Variants in CHRM3 observed in about 807,000 individuals in gnomAD.
CHRM3 encodes the protein cholinergic receptor muscarinic 3.
A neutral mutation model predicts 41.8 loss-of-function variants in CHRM3; 11 were observed. The ratio of observed to expected loss-of-function variants is 0.26; its 90% CI spans 0.17 to 0.44. CHRM3 has a LOEUF of 0.44. CHRM3 is among the 20% of genes least tolerant of loss of function. The pLI is 1.00. For synonymous variants in CHRM3, 297 were observed against 301.4 expected (o/e 0.99, Z 0.15); for missense variants, 571 against 745.4 (o/e 0.77, Z 2.72).
intron 5 of CHRM3, among the ~76,000 whole-genome samples, chr1:239,683,489 G>A (rs1558450325): frequency 6.6e-6 from 1 of 152,124 alleles, no homozygotes; most frequent in Non-Finnish European, 1.5e-5. Context: ...TTTTATTCAG[G>A]CATAACTGCC....
rs369079942 is a variant in CHRM3, at chr1:239,885,700, G to A, written c.-19-21733G>A. 2.9e-3 allele frequency among the ~76,000 whole-genome samples: 444 copies of A among 152,186 alleles called. 1 individual carries two copies. The highest frequency in any genetic ancestry group is 4.6e-3 in the Non-Finnish European group (314 of 68,006). Reference sequence around the variant, plus strand: ...CTGCTCAGTGCTTCCCATATACAGCGACCAAGCCATTAATCCTCCCTAAAT... The same window carrying A: ...CTGCTCAGTGCTTCCCATATACAGCAACCAAGCCATTAATCCTCCCTAAAT... On this transcript the variant is annotated intron_variant, in intron 6 of 6. Transcript: ENST00000676153.
intron 6 of CHRM3, among the ~76,000 whole-genome samples, chr1:239,904,387 T>C (rs1225452159): frequency 6.6e-6 from 1 of 152,198 alleles, no homozygotes; most frequent in Non-Finnish European, 1.5e-5. Context: ...ATAGTAATAG[T>C]AGTTATTAAC....
chr1:239,567,052 A>C (rs1037635759), intron 3 of CHRM3, among the ~76,000 whole-genome samples: 1 of 152,220 alleles, frequency 6.6e-6, no homozygotes, highest in African/African-American at 2.4e-5. Flanking sequence ...TAATTATCTC[A>C]AGAACTTAAT....
chr1:239,398,588 C>T (rs1288879924), intron 1 of CHRM3, among the ~76,000 whole-genome samples: 2 of 152,080 alleles, frequency 1.3e-5, no homozygotes, highest in Non-Finnish European at 2.9e-5. Flanking sequence ...AGATTTTGTC[C>T]ATTGGTATAG....
intron 2 of CHRM3, among the ~76,000 whole-genome samples, chr1:239,524,861 T>G (rs1173506064): frequency 3.9e-5 from 6 of 152,314 alleles, no homozygotes; most frequent in African/African-American, 1.4e-4. Context: ...TGTTTAAAGA[T>G]ATCTAATTAT....
At chr1:239,471,450 A>G (rs1337046773) in intron 1 of CHRM3, among the ~76,000 whole-genome samples, 1 of 152,204 alleles carries the variant, frequency 6.6e-6, no homozygotes, top group African/African-American at 2.4e-5. Flanking sequence ...TTCCCCATGG[A>G]ATGACGCACA....
chr1:239,773,053 AG>A (rs1667817696), intron 5 of CHRM3, among the ~76,000 whole-genome samples: 1 of 152,198 alleles, frequency 6.6e-6, no homozygotes. Context: ...TGAGATTCTT[AG>A]TGATATGATA....
chr1:239,499,232 A>G lies in CHRM3; in HGVS notation c.-422+6425A>G, dbSNP rs535074575. ...TTAGGAGATCATTCGGTGCTATTTCATGCCTTTAAGGAGGTACAGAGAAAG... is the reference window on the plus strand; with the variant it reads ...TTAGGAGATCATTCGGTGCTATTTCGTGCCTTTAAGGAGGTACAGAGAAAG... On this transcript the variant is annotated intron_variant, in intron 2 of 6. Coordinates refer to ENST00000676153, the MANE Select transcript of CHRM3 (RefSeq NM_001375978.1). Among the ~76,000 whole-genome samples, 4 of 152,264 alleles carry G rather than the reference A, an allele frequency of 2.6e-5. No individual in the cohort carries two copies. The East Asian group carries it at 7.8e-4, about 30-fold the overall frequency.
intron 5 of CHRM3, among the ~76,000 whole-genome samples, chr1:239,763,961 A>C (rs1424504824): frequency 6.6e-6 from 1 of 151,774 alleles, no homozygotes; most frequent in Non-Finnish European, 1.5e-5. Flanking sequence ...CATGGTGTGG[A>C]CATGCCTGTA....
At chr1:239,436,802 C>T (rs1429716618) in intron 1 of CHRM3, among the ~76,000 whole-genome samples, 2 of 151,908 alleles carry the variant, frequency 1.3e-5, no homozygotes, top group Non-Finnish European at 1.5e-5. Flanking sequence ...TTTTATCTTT[C>T]TACTTGTTCT....
At position 239,685,605 on chromosome 1, in the gene CHRM3, C is replaced by T. The variant is rs148700877; in HGVS notation, c.-147+7317C>T. Among the ~76,000 whole-genome samples, 758 of 152,156 alleles carry T rather than the reference C, an allele frequency of 5.0e-3. 3 individuals carry two copies. Among genetic ancestry groups the T allele is most frequent in the African/African-American group, 0.017 (720 of 41,516 alleles). On this transcript the variant is annotated intron_variant, in intron 5 of 6. Coordinates refer to ENST00000676153, the MANE Select transcript of CHRM3 (RefSeq NM_001375978.1). ...TGGGAGGCTGAGGTGAGCAGATCAC[C>T]TGAGGTCAGGAATTCGAGACCAGCC...
chr1:239,819,434 C>T (rs1671855491), intron 5 of CHRM3, among the ~76,000 whole-genome samples: 1 of 152,174 alleles, frequency 6.6e-6, no homozygotes, highest in Non-Finnish European at 1.5e-5. Flanking sequence ...AAGTATGAGT[C>T]CACAGTTGCT....
intron 1 of CHRM3, among the ~76,000 whole-genome samples, chr1:239,440,331 G>T (rs918950093): frequency 2.7e-5 from 4 of 150,676 alleles, no homozygotes; most frequent in Non-Finnish European, 5.9e-5. Context: ...TGTGAGAAAA[G>T]AAGTCAAGAG....
At chr1:239,869,741 A>G (rs1314838944) in intron 6 of CHRM3, among the ~76,000 whole-genome samples, 2 of 152,052 alleles carry the variant, frequency 1.3e-5, no homozygotes, top group Admixed American at 1.3e-4. Context: ...ATATGTCTTT[A>G]TTTGCCCAAA....
chr1:239,831,854 C>T (rs1433127839), intron 6 of CHRM3, among the ~76,000 whole-genome samples: 1 of 152,140 alleles, frequency 6.6e-6, no homozygotes, highest in Non-Finnish European at 1.5e-5. Flanking sequence ...AGTGTTTTAT[C>T]AGGAATTAGG....
chr1:239,679,636 C>T (rs566778368), intron 5 of CHRM3, among the ~76,000 whole-genome samples: 1 of 152,138 alleles, frequency 6.6e-6, no homozygotes, highest in East Asian at 1.9e-4. Flanking sequence ...GTCTGAAATC[C>T]ATGATTAGAG....
rs994397702 is a variant in CHRM3, at chr1:239,829,917, T to C, written c.-20+2539T>C. Among the ~76,000 whole-genome samples the C allele has an allele frequency of 2.1e-4, 32 of 152,186 alleles. 1 individual carries two copies. Among genetic ancestry groups the C allele is most frequent in the African/African-American group, 7.5e-4 (31 of 41,438 alleles). ...AGAAACACCAAATAAGAGCCCCTTA[T>C]AATTACTATTTTTGTCTCTACTCAA... On this transcript the variant is annotated intron_variant, in intron 6 of 6. Coordinates refer to ENST00000676153, the MANE Select transcript of CHRM3 (RefSeq NM_001375978.1).
chr1:239,652,867 T>C (rs1375946351), intron 4 of CHRM3, among the ~76,000 whole-genome samples: 15 of 152,228 alleles, frequency 9.9e-5, no homozygotes, highest in Non-Finnish European at 1.5e-5. Flanking sequence ...ATTATGTTCA[T>C]TGTTAAGAAC....
At chr1:239,741,885 A>C in intron 5 of CHRM3, among the ~76,000 whole-genome samples, 1 of 152,204 alleles carries the variant, frequency 6.6e-6, no homozygotes, top group East Asian at 1.9e-4. Flanking sequence ...TATTTTGTCC[A>C]TCAACCTCAT....
Sources: gnomAD v4.1 joint callset for allele counts (sites outside exome capture counted in the v4.1 genomes callset) on GRCh38, gnomAD v4.1.1 for gene constraint, MANE v1.5 for transcripts, NCBI Gene and HGNC (gene_info 2026-07-23, HGNC 2026-07-21) for gene names.